ACACB: variants seen among roughly 807,000 people sequenced by gnomAD.
The protein encoded by ACACB is acetyl-CoA carboxylase beta.
ACACB carries 209 observed loss-of-function variants against 278.8 expected under a neutral mutation model. The ratio of observed to expected loss-of-function variants is 0.75; its 90% CI spans 0.67 to 0.84. The LOEUF is 0.84. Among genes scored for constraint, ACACB ranks in the 40% least tolerant of loss-of-function variants. ACACB has a pLI of 0.00. For missense variants in ACACB, 2,850 were observed against 3,269.0 expected (o/e 0.87, Z 3.13); for synonymous variants, 1,174 against 1,285.6 (o/e 0.91, Z 1.86).
intron 1 of ACACB, 23 bp downstream of exon 1, chr12:109,116,727 G>A (rs139647693): frequency 4.2e-4 from 64 of 152,342 alleles, no homozygotes; most frequent in African/African-American, 1.3e-3. Context: ...GCCCCTCCCC[G>A]GGGTCCGGAC....
intron 39 of ACACB, among the ~76,000 whole-genome samples, chr12:109,246,784 C>A (rs950626428): frequency 6.6e-6 from 1 of 152,088 alleles, no homozygotes; most frequent in Non-Finnish European, 1.5e-5. Flanking sequence ...GGCCTCATAG[C>A]GTTCTTAGAA....
At chr12:109,191,513 C>T in intron 13 of ACACB, 100 bp from the exon 14 acceptor site, 1 of 1,482,654 alleles carries the variant, frequency 6.7e-7, no homozygotes, top group South Asian at 1.3e-5. Flanking sequence ...CACACCCGGC[C>T]ACTCCTGTGC....
chr12:109,264,929 C>T (rs980175260), intron 50 of ACACB, among the ~76,000 whole-genome samples, 181 bp from the exon 51 acceptor site: 1 of 152,154 alleles, frequency 6.6e-6, no homozygotes, highest in African/African-American at 2.4e-5. Flanking sequence ...GTCCTGGTGA[C>T]GTCCTGCCTC....
At chr12:109,154,869 G>A (rs1465344038) in intron 2 of ACACB, 1 of 152,742 alleles carries the variant, frequency 6.5e-6, no homozygotes, top group Non-Finnish European at 1.5e-5. Flanking sequence ...GGAGCCCGGT[G>A]GGATTGGCCT....
intron 1 of ACACB, among the ~76,000 whole-genome samples, chr12:109,128,094 A>G (rs1054565539): frequency 1.3e-5 from 2 of 152,012 alleles, no homozygotes; most frequent in South Asian, 2.1e-4. Context: ...TCTGTCTCCA[A>G]CCCGGAAGGT....
intron 21 of ACACB, among the ~76,000 whole-genome samples, chr12:109,210,768 G>A (rs561634148): frequency 4.0e-5 from 6 of 151,408 alleles, no homozygotes; most frequent in African/African-American, 1.2e-4. Context: ...AAAAAAATTA[G>A]CTGGGCGTGG....
At chr12:109,245,858 G>A in intron 38 of ACACB, 110 bp downstream of exon 38, 1 of 1,380,550 alleles carries the variant, frequency 7.2e-7, no homozygotes, top group Non-Finnish European at 9.8e-7. Flanking sequence ...GGAGGCCAAG[G>A]TGGGTGGATC....
intron 34 of ACACB, 42 bp from the exon 35 acceptor site, chr12:109,239,788 G>A: frequency 6.4e-7 from 1 of 1,558,264 alleles, no homozygotes; most frequent in Non-Finnish European, 8.7e-7. Flanking sequence ...GAGTAGGCCT[G>A]CACCCCTGGC....
At chr12:109,165,504 T>C (rs576481280) in intron 2 of ACACB, among the ~76,000 whole-genome samples, 82 of 152,132 alleles carry the variant, frequency 5.4e-4, no homozygotes, top group Non-Finnish European at 1.1e-3. Flanking sequence ...AATTATCTTA[T>C]GTGTACTGGG....
In ACACB at chr12:109,199,399, C is replaced by T; in HGVS notation, c.2628-3C>T. On this transcript the variant is annotated splice_polypyrimidine_tract_variant and splice_region_variant and intron_variant, in intron 17 of 52. Coordinates refer to ENST00000338432, the MANE Select transcript of ACACB (RefSeq NM_001093.4). ...TCCCTACCCGACTCCTCCTCTCTCC[C>T]AGTTACCGAATTACCATCGGCAATA... 1 of 1,480,158 alleles carries T rather than the reference C, an allele frequency of 6.8e-7. No homozygotes were observed. Among genetic ancestry groups the T allele is most frequent in the Non-Finnish European group, 9.0e-7 (1 of 1,109,944 alleles). The allele number at this position is 1,480,158 out of a possible 1,614,324, so 91.7% of individuals were successfully genotyped here.
chr12:109,257,320 A>T (rs1310696866), intron 45 of ACACB, among the ~76,000 whole-genome samples: 1 of 137,152 alleles, frequency 7.3e-6, no homozygotes, highest in African/African-American at 2.8e-5. Context: ...AGCAAAAAAT[A>T]AAAAAAAAAA....
At chr12:109,136,578 G>A (rs1010857386) in intron 1 of ACACB, among the ~76,000 whole-genome samples, 2 of 152,058 alleles carry the variant, frequency 1.3e-5, no homozygotes, top group Non-Finnish European at 2.9e-5. Flanking sequence ...TTATTTCTAG[G>A]TGTTTTATTC....
intron 2 of ACACB, among the ~76,000 whole-genome samples, chr12:109,149,218 GTCC>G (rs2043312068): frequency 1.3e-5 from 2 of 152,260 alleles, no homozygotes; most frequent in East Asian, 3.9e-4. Flanking sequence ...GGGCACCTCC[GTCC>G]TCCTCCTAAC....
intron 2 of ACACB, among the ~76,000 whole-genome samples, chr12:109,157,820 G>A (rs1290244138): frequency 6.6e-6 from 1 of 152,202 alleles, no homozygotes. Context: ...ACAGTTCAGA[G>A]AGTAGAGAAA....
Position 109,259,838 on chromosome 12 carries a change from G to A in ACACB, c.6497-642G>A, listed in dbSNP as rs187677543. Among the ~76,000 whole-genome samples, 5 of 152,302 alleles carry A rather than the reference G, an allele frequency of 3.3e-5. No homozygotes were observed. In the East Asian group the frequency reaches 9.7e-4, roughly 29 times the overall value. ...AAGCATGTTTTGGGAGAGAGTGGCTGTTGGATCACTGGGGTGTTGAGGACA... is the reference window on the plus strand; with the variant it reads ...AAGCATGTTTTGGGAGAGAGTGGCTATTGGATCACTGGGGTGTTGAGGACA... On this transcript the variant is annotated intron_variant, in intron 47 of 52. Transcript: ENST00000338432.
chr12:109,213,806 T>C (rs1466784400), intron 22 of ACACB, among the ~76,000 whole-genome samples: 1 of 151,938 alleles, frequency 6.6e-6, no homozygotes, highest in Non-Finnish European at 1.5e-5. Context: ...TTCATCATGT[T>C]AGCCAGGATG....
At chr12:109,247,766 C>T in intron 40 of ACACB, 63 bp downstream of exon 40, 1 of 1,355,038 alleles carries the variant, frequency 7.4e-7, no homozygotes, top group Non-Finnish European at 1.1e-6. Context: ...GTCTTCTTTC[C>T]TCGGGGCTTG....
rs762073299 is a variant in ACACB, at chr12:109,237,325, C to T, written c.4607C>T (p.Thr1536Met). ...AAGGTGAAGGAAGGTGTGGAAGTGA[C>T]GGACCATAGGTTCTTCATCCGCGCC... ...AAKVKEGVEVTDHRFFIRAII... is the reference protein window; with the variant it reads ...AAKVKEGVEVMDHRFFIRAII... Residue 1536 changes from threonine (T) to methionine (M), a missense_variant, in exon 34 of 53, where the codon ACG (threonine) becomes ATG (methionine). Thr to Met is a moderately conservative substitution (Grantham distance 81, BLOSUM62 -1). This residue lies in a region of ACACB where 2,265 missense variants were observed against 2,561.3 expected (regional missense o/e 0.88). Transcript: ENST00000338432. The T allele has an allele frequency of 7.4e-6, 12 of 1,614,030 alleles. No individual in the cohort carries two copies. Among genetic ancestry groups the T allele is most frequent in the Middle Eastern group, 1.6e-4 (1 of 6,084 alleles).
At chr12:109,142,655 C>T (rs1235419302) in intron 2 of ACACB, among the ~76,000 whole-genome samples, 1 of 152,150 alleles carries the variant, frequency 6.6e-6, no homozygotes, top group East Asian at 1.9e-4. Flanking sequence ...CAACCTCTGC[C>T]TCCCGGGTTC....
Sources: allele counts gnomAD v4.1 joint callset (sites outside exome capture counted in the v4.1 genomes callset), GRCh38; gene constraint gnomAD v4.1.1; regional missense constraint gnomAD v4.1.1; transcripts MANE v1.5; gene names NCBI Gene and HGNC (gene_info 2026-07-23, HGNC 2026-07-21).